Variants in DOK5 observed in about 807,000 individuals in gnomAD.
DOK5 encodes downstream of tyrosine kinase 5.
A neutral mutation model predicts 43.3 loss-of-function variants in DOK5; 27 were observed. That is an observed-to-expected ratio of 0.62 (90% confidence interval 0.46 to 0.86). The LOEUF is 0.86. Among genes scored for constraint, DOK5 ranks in the 40% least tolerant of loss-of-function variants. The pLI is 0.00. For missense variants in DOK5, 373 were observed against 392.9 expected (o/e 0.95, Z 0.43); for synonymous variants, 146 against 140.1 (o/e 1.04, Z -0.30).
Position 54,484,548 on chromosome 20 carries a change from A to G in DOK5, c.66+8536A>G, listed in dbSNP as rs564486089. Among the ~76,000 whole-genome samples, 103 of 152,324 alleles carry G rather than the reference A, an allele frequency of 6.8e-4. 1 individual carries two copies. The highest frequency in any genetic ancestry group is 3.5e-3 in the South Asian group (17 of 4,828). ...TCTTTCAAATTTGTAGGACAATATA[A>G]CAACCAATATATTGACAATGATACA... On this transcript the variant is annotated intron_variant, in intron 1 of 7. Coordinates refer to ENST00000262593, the MANE Select transcript of DOK5 (RefSeq NM_018431.5).
chr20:54,590,390 C>G (rs1017207073), intron 4 of DOK5, among the ~76,000 whole-genome samples: 2 of 151,942 alleles, frequency 1.3e-5, no homozygotes, highest in Non-Finnish European at 2.9e-5. Flanking sequence ...TATTTTTTCC[C>G]TATCTCTCCC....
intron 5 of DOK5, among the ~76,000 whole-genome samples, chr20:54,603,236 C>T (rs1332046327): frequency 6.6e-6 from 1 of 152,214 alleles, no homozygotes; most frequent in Non-Finnish European, 1.5e-5. Context: ...TCCCATTTCT[C>T]ACCCTACCAG....
At chr20:54,629,886 G>A (rs141540878) in intron 6 of DOK5, among the ~76,000 whole-genome samples, 13 of 152,220 alleles carry the variant, frequency 8.5e-5, no homozygotes, top group Admixed American at 2.0e-4. Flanking sequence ...TGTGCTTTGC[G>A]TGTGCATGTG....
At chr20:54,630,373 A>G (rs1267473522) in intron 6 of DOK5, among the ~76,000 whole-genome samples, 1 of 152,194 alleles carries the variant, frequency 6.6e-6, no homozygotes, top group East Asian at 1.9e-4. Context: ...AACATGTAGA[A>G]TGGAGGAAAC....
At position 54,476,032 on chromosome 20, in the gene DOK5, G is replaced by C. The variant is rs1981407761; in HGVS notation, c.66+20G>C. On this transcript the variant is annotated intron_variant, in intron 1 of 7. Coordinates refer to ENST00000262593, the MANE Select transcript of DOK5 (RefSeq NM_018431.5). ...CTCGGGGTGAGTATCGATCCTCTCC[G>C]TGTTGCTGTTCGCCGGTTCGATTGT... 1 of 1,612,434 alleles carries C rather than the reference G, an allele frequency of 6.2e-7. No homozygotes were observed. Among genetic ancestry groups the C allele is most frequent in the Admixed American group, 1.7e-5 (1 of 59,918 alleles).
chr20:54,481,733 G>A (rs1490682634), intron 1 of DOK5, among the ~76,000 whole-genome samples: 2 of 152,186 alleles, frequency 1.3e-5, no homozygotes, highest in Non-Finnish European at 2.9e-5. Flanking sequence ...CTGTGTTGTG[G>A]CTTAAGAGCA....
At chr20:54,633,941 A>G (rs1242207222) in intron 6 of DOK5, among the ~76,000 whole-genome samples, 1 of 152,252 alleles carries the variant, frequency 6.6e-6, no homozygotes, top group Admixed American at 6.5e-5. Context: ...ATGCTCTACC[A>G]TAAAAACAGT....
intron 1 of DOK5, among the ~76,000 whole-genome samples, chr20:54,481,135 T>TATCTATCTATCATGTATCTATC (rs1981696719): frequency 3.1e-5 from 1 of 32,688 alleles, no homozygotes; most frequent in Non-Finnish European, 7.2e-5. Context: ...ATCTATCATC[T>TATCTATCTATCATGTATCTATC]ATCTATCTAT....
intron 1 of DOK5, among the ~76,000 whole-genome samples, chr20:54,478,131 A>T (rs1981509592): frequency 6.6e-6 from 1 of 152,246 alleles, no homozygotes; most frequent in Admixed American, 6.5e-5. Flanking sequence ...GGTCAAAAAT[A>T]TGATCAAGTA....
chr20:54,598,201 CAGAATT>C (rs1568803137), intron 5 of DOK5, among the ~76,000 whole-genome samples: 1 of 152,102 alleles, frequency 6.6e-6, no homozygotes, highest in Non-Finnish European at 1.5e-5. Context: ...TGAGGAAATT[CAGAATT>C]AGAATATAAC....
intron 1 of DOK5, among the ~76,000 whole-genome samples, chr20:54,540,488 G>T (rs6098058): frequency 1.8e-3 from 271 of 152,222 alleles, no homozygotes; most frequent in Non-Finnish European, 1.4e-3. Context: ...TGGAGTGTTT[G>T]CTATATACCA....
intron 2 of DOK5, among the ~76,000 whole-genome samples, chr20:54,585,166 T>TTGTG (rs142691717): frequency 6.6e-6 from 1 of 151,454 alleles, no homozygotes; most frequent in Non-Finnish European, 1.5e-5. Context: ...TGTGTGTGTG[T>TTGTG]TGTGTGTGTG....
intron 1 of DOK5, among the ~76,000 whole-genome samples, chr20:54,544,134 C>A (rs554624676): frequency 7.2e-5 from 11 of 152,244 alleles, no homozygotes; most frequent in South Asian, 4.1e-4. Flanking sequence ...GATTAACTAA[C>A]CCATTTTTGC....
chr20:54,596,179 C>T (rs188913347), intron 5 of DOK5, among the ~76,000 whole-genome samples: 3 of 152,296 alleles, frequency 2.0e-5, no homozygotes, highest in East Asian at 1.9e-4. Flanking sequence ...CCACACCAAG[C>T]GTGAAGGTTT....
At chr20:54,505,253 C>T (rs1376480466) in intron 1 of DOK5, among the ~76,000 whole-genome samples, 1 of 152,060 alleles carries the variant, frequency 6.6e-6, no homozygotes, top group Non-Finnish European at 1.5e-5. Context: ...CCCCTCTCTC[C>T]TGCTTGTTTT....
At chr20:54,620,332 G>A (rs13433172) in intron 6 of DOK5, among the ~76,000 whole-genome samples, 14,989 of 152,132 alleles carry the variant, frequency 0.099, 1,020 homozygotes, top group African/African-American at 0.19. Flanking sequence ...CCCGCCTCCC[G>A]GGTTCAAGTG....
intron 2 of DOK5, among the ~76,000 whole-genome samples, chr20:54,581,196 A>G (rs1985627692): frequency 6.6e-6 from 1 of 151,942 alleles, no homozygotes; most frequent in African/African-American, 2.4e-5. Flanking sequence ...ATAAGCATCA[A>G]TTTATTTCCA....
chr20:54,645,236 T>C (rs560273967), intron 7 of DOK5, among the ~76,000 whole-genome samples: 7 of 145,566 alleles, frequency 4.8e-5, no homozygotes, highest in East Asian at 2.0e-4. Flanking sequence ...ACTATGGCCT[T>C]AGTCCTCCAT....
chr20:54,512,977 T>G (rs1168527034), intron 1 of DOK5, among the ~76,000 whole-genome samples: 1 of 152,204 alleles, frequency 6.6e-6, no homozygotes, highest in East Asian at 1.9e-4. Flanking sequence ...ATCTCACTGA[T>G]GGCTTTTTCC....
Sources: gnomAD v4.1 joint callset for allele counts (sites outside exome capture counted in the v4.1 genomes callset) on GRCh38, gnomAD v4.1.1 for gene constraint, MANE v1.5 for transcripts, NCBI Gene and HGNC (gene_info 2026-07-23, HGNC 2026-07-21) for gene names.